The following SQOR variants were observed in gnomAD, a reference collection of about 807,000 sequenced individuals.
SQOR encodes sulfide:quinone oxidoreductase, mitochondrial.
Under a neutral mutation model 48.6 loss-of-function variants are expected in SQOR, and 39 were observed. The ratio of observed to expected loss-of-function variants is 0.80; its 90% CI spans 0.62 to 1.05. The LOEUF (loss-of-function observed/expected upper bound fraction) is 1.05. SQOR is among the 50% of genes least tolerant of loss of function. The probability of loss-of-function intolerance (pLI) is 0.00; values close to 1 mark genes in which losing one functional copy is unlikely to be tolerated. For missense variants in SQOR, 561 were observed against 559.9 expected (o/e 1.00, Z -0.02); for synonymous variants, 220 against 206.2 (o/e 1.07, Z -0.57).
At chr15:45,653,478 C>T (rs1017629576) in intron 1 of SQOR, among the ~76,000 whole-genome samples, 3 of 152,168 alleles carry the variant, frequency 2.0e-5, no homozygotes, top group African/African-American at 7.2e-5. Flanking sequence ...CAGGGTGGTG[C>T]AGAGCTTACA....
intron 1 of SQOR, among the ~76,000 whole-genome samples, chr15:45,644,376 G>T (rs1339657459): frequency 6.6e-6 from 1 of 152,186 alleles, no homozygotes; most frequent in African/African-American, 2.4e-5. Context: ...ATGAGCCACC[G>T]CGCCTGGCTT....
upstream of SQOR, among the ~76,000 whole-genome samples, chr15:45,632,224 C>T (rs1894909889): frequency 7.4e-6 from 1 of 135,934 alleles, no homozygotes; most frequent in South Asian, 2.4e-4. Context: ...CTCCCTCCTT[C>T]CTTCCTTCCT....
In SQOR at chr15:45,656,525, C is replaced by G. The variant is rs189726926; in HGVS notation, c.-17-2382C>G. Among the ~76,000 whole-genome samples the G allele has an allele frequency of 3.9e-5, 6 of 151,924 alleles. No homozygotes were observed. The East Asian group carries it at 1.2e-3, about 30-fold the overall frequency. On this transcript the variant is annotated intron_variant, in intron 1 of 9. Coordinates refer to ENST00000260324, the MANE Select transcript of SQOR (RefSeq NM_021199.4). ...CATGCTAGTCTCAAACTCCTGGGCT[C>G]AGGTGATCCCTCTCTCTCAGCCTCC... is the stretch of plus-strand genomic sequence containing the variant.
At position 45,684,614 on chromosome 15, in the gene SQOR, T is replaced by TC. The variant is rs1566923923; in HGVS notation, c.1048+1953_1048+1954insC. Among the ~76,000 whole-genome samples, 79 of 134,116 alleles carry TC rather than the reference T, an allele frequency of 5.9e-4. 2 individuals are homozygous for TC. In the East Asian group the frequency reaches 0.011, roughly 19 times the overall value. The allele number at this position is 134,116 out of a possible 152,430, so 88.0% of individuals were successfully genotyped here. On this transcript the variant is annotated intron_variant, in intron 7 of 9. Transcript: ENST00000260324. ...GTGTTCTCTCTCTCTCTCTCTCTCT[T>TC]TTTTTTTCATTGTAAAAGTACTCTC...
chr15:45,684,503 G>A (rs1307781897), intron 7 of SQOR, among the ~76,000 whole-genome samples: 1 of 152,126 alleles, frequency 6.6e-6, no homozygotes, highest in Non-Finnish European at 1.5e-5. Context: ...CTGAGTCTGT[G>A]TACCTCCCTC....
intron 3 of SQOR, among the ~76,000 whole-genome samples, chr15:45,663,911 G>A (rs1477576965): frequency 6.6e-6 from 1 of 152,156 alleles, no homozygotes; most frequent in Non-Finnish European, 1.5e-5. Context: ...TAGGCATTAA[G>A]GATATGTGTA....
At position 45,659,123 on chromosome 15, in the gene SQOR, G is replaced by GT; in HGVS notation, c.201dup (p.Ala68CysfsTer8). 6.4e-7 allele frequency: 1 copy of GT among 1,568,210 alleles called. No homozygotes were observed. Among genetic ancestry groups the GT allele is most frequent in the Non-Finnish European group, 8.7e-7 (1 of 1,154,824 alleles). On this transcript the variant is annotated frameshift_variant, in exon 2 of 10. Coordinates refer to ENST00000260324, the MANE Select transcript of SQOR (RefSeq NM_021199.4). LOFTEE classifies it high-confidence loss of function. ...GCTGCCCGCATGAAGAGGAAAGTGGGTGCAGAGAATGTGGCCATTGTTGAG... is the reference window on the plus strand; with the variant it reads ...GCTGCCCGCATGAAGAGGAAAGTGGGTTGCAGAGAATGTGGCCATTGTTGAG...
intron 4 of SQOR, 99 bp from the exon 5 acceptor site, chr15:45,673,508 G>C: frequency 7.6e-7 from 1 of 1,312,088 alleles, no homozygotes; most frequent in South Asian, 1.4e-5. Flanking sequence ...GGTAATGATA[G>C]TACTGAAATA....
chr15:45,669,671 G>C (rs1455189218), intron 3 of SQOR, among the ~76,000 whole-genome samples: 1 of 152,138 alleles, frequency 6.6e-6, no homozygotes, highest in African/African-American at 2.4e-5. Context: ...GACGGCAGAG[G>C]GCATGATGGG....
chr15:45,661,848 TA>T, intron 2 of SQOR, 106 bp from the exon 3 acceptor site: 1 of 1,196,754 alleles, frequency 8.4e-7, no homozygotes, highest in Non-Finnish European at 1.1e-6. Context: ...TACGATGCTC[TA>T]AAGGTCAGGA....
At chr15:45,676,468 C>T (rs1890039195) in intron 6 of SQOR, among the ~76,000 whole-genome samples, 158 bp downstream of exon 6, 1 of 152,090 alleles carries the variant, frequency 6.6e-6, no homozygotes, top group Admixed American at 6.6e-5. Context: ...GAAGGTAGGC[C>T]AAAATGGTTG....
At chr15:45,650,105 A>G (rs1210597951) in intron 1 of SQOR, among the ~76,000 whole-genome samples, 1 of 151,736 alleles carries the variant, frequency 6.6e-6, no homozygotes, top group Non-Finnish European at 1.5e-5. Flanking sequence ...AGCCTCCCAA[A>G]GTGCTGGGAT....
At chr15:45,654,675 A>G (rs935385235) in intron 1 of SQOR, among the ~76,000 whole-genome samples, 1 of 152,166 alleles carries the variant, frequency 6.6e-6, no homozygotes, top group African/African-American at 2.4e-5. Flanking sequence ...TAGGACATGG[A>G]CACACACAAG....
intron 1 of SQOR, among the ~76,000 whole-genome samples, chr15:45,644,987 G>A (rs908970146): frequency 1.3e-5 from 2 of 152,156 alleles, no homozygotes; most frequent in African/African-American, 4.8e-5. Context: ...AGTCCTGGGA[G>A]GGGCAGTCTC....
At chr15:45,683,815 C>T (rs1012411056) in intron 7 of SQOR, among the ~76,000 whole-genome samples, 2 of 151,346 alleles carry the variant, frequency 1.3e-5, no homozygotes, top group East Asian at 1.9e-4. Context: ...TTTGCTTCAT[C>T]GTATTTATGT....
chr15:45,665,202 A>G (rs143553881), intron 3 of SQOR, among the ~76,000 whole-genome samples: 3 of 152,288 alleles, frequency 2.0e-5, no homozygotes, highest in East Asian at 1.9e-4. Context: ...AGTCCTACCT[A>G]TTACTCCTAA....
intron 1 of SQOR, among the ~76,000 whole-genome samples, chr15:45,650,350 C>T (rs776609970): frequency 7.2e-5 from 11 of 152,132 alleles, no homozygotes; most frequent in Non-Finnish European, 1.3e-4. Context: ...GCGGCGTGTC[C>T]GGAGTTTGTT....
intron 3 of SQOR, 82 bp from the exon 4 acceptor site, chr15:45,669,846 G>A: frequency 8.4e-7 from 1 of 1,194,558 alleles, no homozygotes; most frequent in South Asian, 1.2e-5. Context: ...AGACCACATG[G>A]AACCACATCT....
chr15:45,669,005 G>T (rs1385150940), intron 3 of SQOR, among the ~76,000 whole-genome samples: 2 of 151,798 alleles, frequency 1.3e-5, no homozygotes, highest in Non-Finnish European at 2.9e-5. Context: ...GCCTTTCAAT[G>T]ACCTTGAGAT....
Sources: gnomAD v4.1 joint callset for allele counts (sites outside exome capture counted in the v4.1 genomes callset) on GRCh38, gnomAD v4.1.1 for gene constraint, MANE v1.5 for transcripts, NCBI Gene and HGNC (gene_info 2026-07-23, HGNC 2026-07-21) for gene names.